The following CCDC138 variants were observed in gnomAD, a reference collection of about 807,000 sequenced individuals.
CCDC138 encodes the protein coiled-coil domain-containing protein 138.
In CCDC138, 66 loss-of-function variants were observed where a neutral mutation model predicts 82.3. That is an observed-to-expected ratio of 0.80 (90% CI 0.66 to 0.98). The LOEUF (loss-of-function observed/expected upper bound fraction) is 0.98. Among genes scored for constraint, CCDC138 ranks in the 50% least tolerant of loss-of-function variants. CCDC138 has a pLI of 0.00. For missense variants in CCDC138, 816 were observed against 758.9 expected, an observed-to-expected ratio of 1.08 and a Z score of -0.88; for synonymous variants, 297 against 265.4, an observed-to-expected ratio of 1.12 and a Z score of -1.16.
rs779475665 is a variant in CCDC138 at position 108,856,948 on chromosome 2, G to T, written c.1671G>T (p.Leu557Phe). 1 of 1,603,598 alleles carries T rather than the reference G, an allele frequency of 6.2e-7. No individual in the cohort carries two copies. ...TCCTGTCTAATGTTATTGATAGTTT[G>T]CTCCAGATGACGGTGGAATCTAGTA... ...KGLLSNVIDS[L>F]LQMTVESKSL... Residue 557 changes from leucine to phenylalanine, a missense_variant, in exon 13 of 15, where the codon TTG becomes TTT. Physicochemically the swap from Leu to Phe is conservative, Grantham distance 22 (BLOSUM62 0). Coordinates refer to ENST00000295124, the MANE Select transcript of CCDC138 (RefSeq NM_144978.3).
intron 10 of CCDC138, among the ~76,000 whole-genome samples, chr2:108,817,826 G>A (rs559711721): frequency 2.0e-5 from 3 of 152,252 alleles, no homozygotes; most frequent in African/African-American, 7.2e-5. Flanking sequence ...ATGAATTTGT[G>A]TTGTTTAAAT....
At chr2:108,853,899 AT>A (rs1692017014) in intron 12 of CCDC138, among the ~76,000 whole-genome samples, 1 of 120,164 alleles carries the variant, frequency 8.3e-6, no homozygotes. Flanking sequence ...TAGTATATAT[AT>A]TATATATTAT....
downstream of CCDC138, among the ~76,000 whole-genome samples, chr2:108,879,543 A>G (rs1448367417): frequency 1.3e-5 from 2 of 152,362 alleles, no homozygotes; most frequent in South Asian, 2.1e-4. Context: ...ACATTAATCC[A>G]TGATTAAGTA....
At chr2:108,841,342 G>A (rs1689448734) in intron 11 of CCDC138, among the ~76,000 whole-genome samples, 1 of 152,156 alleles carries the variant, frequency 6.6e-6, no homozygotes, top group Admixed American at 6.5e-5. Flanking sequence ...TCTATCAAGT[G>A]TGGAGAGATA....
chr2:108,873,377 T>C (rs1695564683), intron 13 of CCDC138, 74 bp from the exon 14 acceptor site: 6 of 1,308,842 alleles, frequency 4.6e-6, no homozygotes, highest in Non-Finnish European at 4.0e-6. Context: ...CTCACATAGT[T>C]CTGATTTTAA....
chr2:108,788,849 C>T lies in CCDC138; in HGVS notation c.152-3C>T. On this transcript the variant is annotated splice_region_variant and splice_polypyrimidine_tract_variant and intron_variant, in intron 2 of 14. Transcript: ENST00000295124. Reference sequence around the variant, plus strand: ...TCTTTCATGGTTTCTTTGTCGTTGACAGGTGATTTGGATATCTACTCTGGA... The same window carrying T: ...TCTTTCATGGTTTCTTTGTCGTTGATAGGTGATTTGGATATCTACTCTGGA... 2 of 1,613,852 alleles carry T rather than the reference C, an allele frequency of 1.2e-6. No individual in the cohort carries two copies. Among genetic ancestry groups the T allele is most frequent in the Non-Finnish European group, 1.7e-6 (2 of 1,179,884 alleles).
intron 13 of CCDC138, among the ~76,000 whole-genome samples, chr2:108,858,894 T>C (rs2104726047): frequency 6.6e-6 from 1 of 152,114 alleles, no homozygotes; most frequent in East Asian, 1.9e-4. Flanking sequence ...TGTATATGTA[T>C]CACATTTTCT....
At chr2:108,859,737 G>C in intron 13 of CCDC138, among the ~76,000 whole-genome samples, 1 of 151,920 alleles carries the variant, frequency 6.6e-6, no homozygotes, top group Non-Finnish European at 1.5e-5. Flanking sequence ...ATAACATGAT[G>C]CTTCCAGCTT....
intron 12 of CCDC138, among the ~76,000 whole-genome samples, chr2:108,851,943 T>C (rs541481873): frequency 6.6e-6 from 1 of 152,298 alleles, no homozygotes; most frequent in East Asian, 1.9e-4. Context: ...GCCAAAACGA[T>C]ACAATCTGCA....
intron 12 of CCDC138, among the ~76,000 whole-genome samples, chr2:108,853,036 A>T (rs1691790055): frequency 6.6e-6 from 1 of 152,238 alleles, no homozygotes; most frequent in Non-Finnish European, 1.5e-5. Flanking sequence ...AAAATACATC[A>T]TAACCTTTCG....
chr2:108,833,175 A>T (rs1687984016), intron 10 of CCDC138, among the ~76,000 whole-genome samples: 1 of 152,234 alleles, frequency 6.6e-6, no homozygotes, highest in South Asian at 2.1e-4. Context: ...TACATGGTGG[A>T]TACATGTCAT....
chr2:108,875,292 A>C (rs1304465175), intron 14 of CCDC138, among the ~76,000 whole-genome samples: 1 of 148,512 alleles, frequency 6.7e-6, no homozygotes. Flanking sequence ...CACAATGTGC[A>C]CATGTACCCT....
intron 1 of CCDC138, among the ~76,000 whole-genome samples, chr2:108,787,587 C>G (rs976616666): frequency 6.6e-6 from 1 of 152,058 alleles, no homozygotes; most frequent in Non-Finnish European, 1.5e-5. Context: ...TCGATAAAAC[C>G]TTTTATAGGA....
intron 10 of CCDC138, among the ~76,000 whole-genome samples, chr2:108,829,555 G>C (rs151211240): frequency 0.011 from 1,707 of 152,328 alleles, 15 homozygotes; most frequent in Non-Finnish European, 0.017. Flanking sequence ...AGACCAGCCT[G>C]GCCAACATGG....
At chr2:108,795,810 C>G (rs1175841960) in intron 5 of CCDC138, among the ~76,000 whole-genome samples, 1 of 151,996 alleles carries the variant, frequency 6.6e-6, no homozygotes, top group African/African-American at 2.4e-5. Flanking sequence ...ATTAGCCTGT[C>G]TGGAAGAAAG....
chr2:108,839,242 C>G lies in CCDC138; in HGVS notation c.1264C>G (p.His422Asp). The G allele has an allele frequency of 6.2e-7, 1 of 1,612,770 alleles. No individual in the cohort carries two copies. Among genetic ancestry groups the G allele is most frequent in the Non-Finnish European group, 8.5e-7 (1 of 1,179,290 alleles). ...QWMPFVNIKLHEPFVKFIYWS... is the reference protein window; with the variant it reads ...QWMPFVNIKLDEPFVKFIYWS... ...GATGCCATTTGTGAATATCAAACTT[C>G]ACGAGCCTTTTGTAAAATTTATATA... is the stretch of plus-strand genomic sequence containing the variant. Residue 422 changes from histidine (H) to aspartate (D), a missense_variant, in exon 11 of 15, where the codon CAC (histidine) becomes GAC (aspartate). His to Asp is a moderately conservative substitution (Grantham distance 81). Transcript: ENST00000295124.
chr2:108,880,350 GATC>G (rs2105345392), downstream of CCDC138, among the ~76,000 whole-genome samples: 1 of 152,240 alleles, frequency 6.6e-6, no homozygotes, highest in Non-Finnish European at 1.5e-5. Context: ...TTCCCAACTT[GATC>G]TATAGATACA....
chr2:108,794,037 A>G (rs564029286), intron 4 of CCDC138, among the ~76,000 whole-genome samples: 1 of 152,318 alleles, frequency 6.6e-6, no homozygotes, highest in African/African-American at 2.4e-5. Flanking sequence ...TATACAGTGA[A>G]GATTTGTGAA....
intron 10 of CCDC138, among the ~76,000 whole-genome samples, chr2:108,827,513 A>G (rs943212135): frequency 6.6e-6 from 1 of 152,238 alleles, no homozygotes; most frequent in Non-Finnish European, 1.5e-5. Context: ...AAAAAGTTAA[A>G]TGTAACAATA....
Sources: gnomAD v4.1 joint callset for allele counts (sites outside exome capture counted in the v4.1 genomes callset) on GRCh38, gnomAD v4.1.1 for gene constraint, MANE v1.5 for transcripts, NCBI Gene and HGNC (gene_info 2026-07-23, HGNC 2026-07-21) for gene names.